The following MYO5B variants were observed in gnomAD, a reference collection of about 807,000 sequenced individuals.
The protein encoded by MYO5B is myosin VB.
MYO5B carries 143 observed loss-of-function variants against 229.3 expected under a neutral mutation model. The ratio of observed to expected loss-of-function variants is 0.62; its 90% confidence interval spans 0.54 to 0.72. MYO5B has a LOEUF of 0.72. Among genes scored for constraint, MYO5B ranks in the 30% least tolerant of loss-of-function variants. The pLI is 0.00. For missense variants in MYO5B, 2,321 were observed against 2,331.0 expected (o/e 1.00, Z 0.09); for synonymous variants, 918 against 885.2 (o/e 1.04, Z -0.66).
In MYO5B at chr18:49,943,194, C is replaced by T. The variant is rs1389699255; in HGVS notation, c.1753-5797G>A. On this transcript the variant is annotated intron_variant, in intron 14 of 39. Coordinates refer to ENST00000285039, the MANE Select transcript of MYO5B (RefSeq NM_001080467.3). ...GAACACATGGACACAGGAAGGGGAA[C>T]ATCACACACTGGGGACTGTTGTGGG... Among the ~76,000 whole-genome samples the T allele has an allele frequency of 2.4e-5, 3 of 122,966 alleles. No homozygotes were observed. In the East Asian group the frequency reaches 7.0e-4, roughly 29 times the overall value. 80.7% of individuals were successfully genotyped at this position (122,966 alleles called of 152,430 possible).
intron 1 of MYO5B, among the ~76,000 whole-genome samples, chr18:50,140,666 TC>T (rs2032403776): frequency 6.6e-6 from 1 of 152,184 alleles, no homozygotes; most frequent in Admixed American, 6.5e-5. Flanking sequence ...AGGACGAAGA[TC>T]TAATGAATTC....
intron 1 of MYO5B, among the ~76,000 whole-genome samples, chr18:50,060,068 A>G (rs2030650159): frequency 6.6e-6 from 1 of 152,128 alleles, no homozygotes; most frequent in African/African-American, 2.4e-5. Context: ...TTCTTTTTGG[A>G]GCGATGAAAG....
At chr18:50,079,228 A>AT (rs1426670042) in intron 1 of MYO5B, among the ~76,000 whole-genome samples, 1 of 152,250 alleles carries the variant, frequency 6.6e-6, no homozygotes, top group Non-Finnish European at 1.5e-5. Flanking sequence ...TCTTACTTCA[A>AT]TAAAAAGTTC....
chr18:50,003,181 C>A (rs1182013731), intron 4 of MYO5B, among the ~76,000 whole-genome samples: 1 of 152,214 alleles, frequency 6.6e-6, no homozygotes, highest in Non-Finnish European at 1.5e-5. Flanking sequence ...AGTGTCCCAG[C>A]TCACACAAAC....
intron 1 of MYO5B, among the ~76,000 whole-genome samples, chr18:50,187,305 A>C (rs2033161782): frequency 6.6e-6 from 1 of 152,206 alleles, no homozygotes; most frequent in African/African-American, 2.4e-5. Context: ...TCTTCAATAA[A>C]AGGAAACTGA....
intron 16 of MYO5B, among the ~76,000 whole-genome samples, chr18:49,929,832 G>A (rs2025170372): frequency 6.6e-6 from 1 of 152,066 alleles, no homozygotes; most frequent in Non-Finnish European, 1.5e-5. Flanking sequence ...TGAGGCTTTT[G>A]TGCACATTCT....
intron 1 of MYO5B, among the ~76,000 whole-genome samples, chr18:50,144,546 T>G (rs1303112273): frequency 6.6e-6 from 1 of 152,186 alleles, no homozygotes; most frequent in Non-Finnish European, 1.5e-5. Flanking sequence ...TAACTGAGGT[T>G]CTGGAAGATG....
At chr18:49,858,527 C>T (rs544502070) in intron 29 of MYO5B, among the ~76,000 whole-genome samples, 1 of 152,318 alleles carries the variant, frequency 6.6e-6, no homozygotes, top group South Asian at 2.1e-4. Flanking sequence ...CCCCCCACCC[C>T]CCAGGGAGGG....
At chr18:50,119,027 T>C (rs1599034603) in intron 1 of MYO5B, among the ~76,000 whole-genome samples, 1 of 152,202 alleles carries the variant, frequency 6.6e-6, no homozygotes, top group East Asian at 1.9e-4. Context: ...ATGTAAATGA[T>C]CAAGAGCTCT....
intron 10 of MYO5B, among the ~76,000 whole-genome samples, chr18:49,972,115 T>A (rs1029978799): frequency 6.6e-6 from 1 of 152,118 alleles, no homozygotes; most frequent in Non-Finnish European, 1.5e-5. Context: ...GGTGAGGAGC[T>A]GGCACTAGGA....
chr18:49,962,188 C>T, intron 12 of MYO5B, 78 bp downstream of exon 12: 1 of 1,592,574 alleles, frequency 6.3e-7, no homozygotes, highest in East Asian at 2.2e-5. Flanking sequence ...GATGAAATTC[C>T]ACCTTTGAGA....
chr18:49,846,432 C>T (rs575256418), intron 33 of MYO5B, among the ~76,000 whole-genome samples: 10 of 152,040 alleles, frequency 6.6e-5, no homozygotes, highest in Admixed American at 2.6e-4. Context: ...TCCATGCCAG[C>T]GGCATGATCC....
At position 49,864,123 on chromosome 18, in the gene MYO5B, G is replaced by T; in HGVS notation, c.3843+18C>A. On this transcript the variant is annotated intron_variant, in intron 28 of 39. Transcript: ENST00000285039. ...GGTCACCCCTCGGCAGCCCCACCGC[G>T]GGCCGCCATCTTGTTACCGCGTTCC... 22 of 1,604,754 alleles carry T rather than the reference G, an allele frequency of 1.4e-5. No homozygotes were observed. The highest frequency in any genetic ancestry group is 1.9e-5 in the Non-Finnish European group (22 of 1,179,670).
At chr18:49,877,718 A>T (rs2024542453) in intron 25 of MYO5B, 45 bp downstream of exon 25, 3 of 1,611,848 alleles carry the variant, frequency 1.9e-6, no homozygotes, top group Non-Finnish European at 2.5e-6. Context: ...AAAAACACAC[A>T]CTCCCTCTGG....
intron 27 of MYO5B, 110 bp downstream of exon 27, chr18:49,872,057 T>C (rs2024461238): frequency 2.0e-6 from 2 of 1,021,774 alleles, no homozygotes; most frequent in South Asian, 1.3e-5. Flanking sequence ...TGCTTACTGC[T>C]CTCCTTGTTA....
intron 5 of MYO5B, among the ~76,000 whole-genome samples, chr18:49,995,597 C>G (rs1349206013): frequency 1.3e-5 from 2 of 152,040 alleles, no homozygotes. Flanking sequence ...GCTAGAAAAC[C>G]AACTAATTAC....
rs1419488326 is a variant in MYO5B, at chr18:49,978,092, T to C, written c.1056+2352A>G. ...CCTGCACTCAAATGCCTTCTGGAAC[T>C]TCCTGCCGCCTAGCAGAGAAAGGGC... On this transcript the variant is annotated intron_variant, in intron 9 of 39. Transcript: ENST00000285039. Among the ~76,000 whole-genome samples, 4 of 152,268 alleles carry C rather than the reference T, an allele frequency of 2.6e-5. 1 individual carries two copies. Among genetic ancestry groups the C allele is most frequent in the Middle Eastern group, 6.8e-3 (2 of 294 alleles).
At chr18:49,929,729 G>T in intron 16 of MYO5B, 131 bp from the exon 17 acceptor site, 1 of 809,996 alleles carries the variant, frequency 1.2e-6, no homozygotes. Context: ...CAGCCACTGA[G>T]TTACCCTTGA....
intron 17 of MYO5B, among the ~76,000 whole-genome samples, chr18:49,926,748 T>G (rs910368135): frequency 6.6e-6 from 1 of 152,214 alleles, no homozygotes; most frequent in African/African-American, 2.4e-5. Flanking sequence ...CACCACAGAT[T>G]TCATTCTATA....
Sources: gnomAD v4.1 joint callset for allele counts (sites outside exome capture counted in the v4.1 genomes callset) on GRCh38, gnomAD v4.1.1 for gene constraint, MANE v1.5 for transcripts, NCBI Gene and HGNC (gene_info 2026-07-23, HGNC 2026-07-21) for gene names.